Variants in SSR1 observed in about 807,000 individuals in gnomAD.
SSR1 encodes the protein translocon-associated protein subunit alpha.
In SSR1, 13 loss-of-function variants were observed where a neutral mutation model predicts 36.1. The ratio of observed to expected loss-of-function variants is 0.36; its 90% CI spans 0.23 to 0.57. SSR1 has a LOEUF of 0.57. SSR1 is among the 20% of genes least tolerant of loss of function. SSR1 has a pLI of 0.81. For missense variants in SSR1, 291 were observed against 338.5 expected, an observed-to-expected ratio of 0.86 and a Z score of 1.10; for synonymous variants, 113 against 118.9, an observed-to-expected ratio of 0.95 and a Z score of 0.32.
In SSR1 at chr6:7,288,195, T is replaced by C. The variant is rs899105673; in HGVS notation, c.*1669A>G. 6.6e-6 allele frequency: 1 copy of C among 152,234 alleles called. No individual in the cohort carries two copies. Among genetic ancestry groups the C allele is most frequent in the East Asian group, 1.9e-4 (1 of 5,202 alleles). 9.4% of individuals were successfully genotyped at this position (152,234 alleles called of 1,614,324 possible). A position where few individuals can be genotyped will look rare whatever the true frequency, so the allele number is the denominator to read the frequency against. On this transcript the variant is annotated 3_prime_UTR_variant, in exon 8 of 8. Coordinates refer to ENST00000244763, the MANE Select transcript of SSR1 (RefSeq NM_003144.5). ...AACTTAGATATTCACAAAAATGTTT[T>C]GGAATATATTCCTTGGGAATGTGAA...
Position 7,286,083 on chromosome 6 carries a change from C to T in SSR1, c.*3781G>A, listed in dbSNP as rs1328154021. 1 of 152,166 alleles carries T rather than the reference C, an allele frequency of 6.6e-6. No homozygotes were observed. The highest frequency in any genetic ancestry group is 2.4e-5 in the African/African-American group (1 of 41,428). 9.4% of individuals were successfully genotyped at this position (152,166 alleles called of 1,614,324 possible). ...TCCATCTACAAAATGGGAACAGTATCACCTTCCTTCAGTGAGCTGTCGTAA... is the reference window on the plus strand; with the variant it reads ...TCCATCTACAAAATGGGAACAGTATTACCTTCCTTCAGTGAGCTGTCGTAA... On this transcript the variant is annotated 3_prime_UTR_variant, in exon 8 of 8. Coordinates refer to ENST00000244763, the MANE Select transcript of SSR1 (RefSeq NM_003144.5).
intron 2 of SSR1, among the ~76,000 whole-genome samples, chr6:7,306,853 T>C (rs538299532): frequency 2.7e-4 from 40 of 149,736 alleles, no homozygotes; most frequent in South Asian, 2.1e-3. Flanking sequence ...GAGGTGGAGC[T>C]TGCAGTGAGC....
intron 7 of SSR1, among the ~76,000 whole-genome samples, chr6:7,291,270 C>T (rs952405791): frequency 3.9e-5 from 6 of 151,946 alleles, no homozygotes; most frequent in African/African-American, 9.7e-5. Flanking sequence ...TGGCAGTACA[C>T]GCCTGTGATC....
intron 3 of SSR1, among the ~76,000 whole-genome samples, chr6:7,302,379 C>T (rs1757955788): frequency 6.6e-6 from 1 of 152,228 alleles, no homozygotes; most frequent in South Asian, 2.1e-4. Context: ...AATGACTACG[C>T]TCAGTGGGTT....
At chr6:7,299,718 A>T (rs1182677477) in intron 4 of SSR1, among the ~76,000 whole-genome samples, 1 of 152,010 alleles carries the variant, frequency 6.6e-6, no homozygotes, top group African/African-American at 2.4e-5. Context: ...AGTGGGCTGG[A>T]AACCAATTTC....
rs1285241315 is a variant in SSR1, at chr6:7,285,741, C to G, written c.*4123G>C. ...GCAGCTTTACCCTGTAATCTTAGTT[C>G]TAGTACTATCTGGTTCTGTAACCCA... On this transcript the variant is annotated 3_prime_UTR_variant, in exon 8 of 8. Transcript: ENST00000244763. The surrounding 1 kb of genome is among the most constrained non-coding windows in gnomAD (Gnocchi z 4.1). The G allele has an allele frequency of 6.6e-6, 1 of 152,038 alleles. No homozygotes were observed. The highest frequency in any genetic ancestry group is 2.4e-5 in the African/African-American group (1 of 41,412). 9.4% of individuals were successfully genotyped at this position (152,038 alleles called of 1,614,324 possible).
intron 5 of SSR1, chr6:7,298,482 G>A (rs1047371089): frequency 3.9e-5 from 16 of 410,132 alleles, no homozygotes; most frequent in African/African-American, 1.6e-4. Context: ...TTATAAGCAT[G>A]AGGTAGAAAA....
At chr6:7,301,909 C>T (rs527394223) in intron 3 of SSR1, among the ~76,000 whole-genome samples, 6 of 152,258 alleles carry the variant, frequency 3.9e-5, no homozygotes, top group African/African-American at 1.4e-4. Flanking sequence ...GGTGAAGTCA[C>T]CTTCACCTCC....
intron 2 of SSR1, among the ~76,000 whole-genome samples, chr6:7,307,413 T>C (rs1028747593): frequency 6.6e-6 from 1 of 152,262 alleles, no homozygotes; most frequent in Non-Finnish European, 1.5e-5. Flanking sequence ...AAGTGGATAA[T>C]CAGAGTTGTT....
intron 4 of SSR1, 43 bp from the exon 5 acceptor site, chr6:7,298,866 A>C: frequency 6.8e-7 from 1 of 1,478,060 alleles, no homozygotes; most frequent in Non-Finnish European, 9.4e-7. Context: ...TAAATGCAAT[A>C]AAGGAAGTAA....
chr6:7,312,913 G>A, intron 1 of SSR1, 129 bp downstream of exon 1: 2 of 909,430 alleles, frequency 2.2e-6, no homozygotes, highest in South Asian at 1.5e-5. Flanking sequence ...CTTGGGGAGA[G>A]GGCGGAGAGA....
intron 4 of SSR1, among the ~76,000 whole-genome samples, chr6:7,299,126 G>A (rs1472918019): frequency 1.2e-5 from 1 of 81,096 alleles, no homozygotes; most frequent in Non-Finnish European, 2.9e-5. Flanking sequence ...AGCAAACATA[G>A]CGAGATCCAC....
chr6:7,301,400 C>T lies in SSR1; in HGVS notation c.453G>A (p.Gln151=). 1 of 1,614,186 alleles carries T rather than the reference C, an allele frequency of 6.2e-7. No homozygotes were observed. The highest frequency in any genetic ancestry group is 8.5e-7 in the Non-Finnish European group (1 of 1,180,038). ...GAATGAAAGAGTACTCAAAAGTTGCCTGTCTCTGGGGTGGCACTACAGTGT... is the reference window on the plus strand; with the variant it reads ...GAATGAAAGAGTACTCAAAAGTTGCTTGTCTCTGGGGTGGCACTACAGTGT... ...PLNTVVPPQR[Q]ATFEYSFIPA... Residue 151 remains glutamine, a synonymous_variant, in exon 4 of 8, where the codon CAG becomes CAA. Transcript: ENST00000244763.
intron 3 of SSR1, 51 bp from the exon 4 acceptor site, chr6:7,301,623 A>G (rs931709376): frequency 6.5e-7 from 1 of 1,534,640 alleles, no homozygotes; most frequent in South Asian, 1.2e-5. Context: ...AAAGAGCACA[A>G]AATATTTAAA....
intron 7 of SSR1, among the ~76,000 whole-genome samples, chr6:7,292,741 C>A (rs1270687005): frequency 6.6e-6 from 1 of 151,578 alleles, no homozygotes; most frequent in African/African-American, 2.4e-5. Flanking sequence ...GGCTCTTTGA[C>A]CTAGGAGTCA....
intron 6 of SSR1, chr6:7,296,945 G>A (rs1356431109): frequency 6.3e-6 from 1 of 158,326 alleles, no homozygotes; most frequent in Non-Finnish European, 1.4e-5. Flanking sequence ...CGCAGGCTGA[G>A]TGTGGTGGCT....
chr6:7,310,388 C>T (rs528315766), intron 1 of SSR1, among the ~76,000 whole-genome samples: 4 of 152,062 alleles, frequency 2.6e-5, no homozygotes, highest in Non-Finnish European at 5.9e-5. Context: ...CCACTGTTCC[C>T]TGCCTTCCAT....
chr6:7,309,473 A>T (rs929580548), intron 2 of SSR1, among the ~76,000 whole-genome samples: 1 of 151,082 alleles, frequency 6.6e-6, no homozygotes, highest in African/African-American at 2.5e-5. Flanking sequence ...AAAAATAAAT[A>T]AGTAAGGATA....
At chr6:7,310,117 T>A in intron 1 of SSR1, 88 bp from the exon 2 acceptor site, 2 of 872,946 alleles carry the variant, frequency 2.3e-6, no homozygotes, top group Non-Finnish European at 3.6e-6. Flanking sequence ...AAAAAAAACT[T>A]CCCTTGGACT....
Sources: allele counts gnomAD v4.1 joint callset (sites outside exome capture counted in the v4.1 genomes callset), GRCh38; gene constraint gnomAD v4.1.1; non-coding constraint Gnocchi (gnomAD v3.1); transcripts MANE v1.5; gene names NCBI Gene and HGNC (gene_info 2026-07-23, HGNC 2026-07-21).